RAPGEF5: variants seen among roughly 807,000 people sequenced by gnomAD.
RAPGEF5 encodes the protein Rap guanine nucleotide exchange factor 5.
Under a neutral mutation model 125.2 loss-of-function variants are expected in RAPGEF5, and 65 were observed. The ratio of observed to expected loss-of-function variants is 0.52; its 90% CI spans 0.43 to 0.64. The LOEUF (loss-of-function observed/expected upper bound fraction) is 0.64. Ranked by LOEUF, RAPGEF5 falls within the 30% of genes least tolerant of loss-of-function variation. RAPGEF5 has a pLI of 0.00. For synonymous variants in RAPGEF5, 391 were observed against 385.9 expected, an observed-to-expected ratio of 1.01 and a Z score of -0.16; for missense variants, 958 against 1,048.1, an observed-to-expected ratio of 0.91 and a Z score of 1.19.
intron 11 of RAPGEF5, among the ~76,000 whole-genome samples, chr7:22,171,767 T>C (rs1784357217): frequency 2.6e-5 from 4 of 152,352 alleles, no homozygotes; most frequent in Admixed American, 2.6e-4. Context: ...CCCAAAGTGC[T>C]GGGATTACAG....
chr7:22,216,973 A>G (rs891452707), intron 9 of RAPGEF5, among the ~76,000 whole-genome samples: 1 of 152,248 alleles, frequency 6.6e-6, no homozygotes, highest in Non-Finnish European at 1.5e-5. Context: ...TACCAGCAAC[A>G]AAGGCTTTAT....
chr7:22,167,005 T>C, intron 12 of RAPGEF5, 65 bp downstream of exon 12: 1 of 1,346,746 alleles, frequency 7.4e-7, no homozygotes, highest in Non-Finnish European at 1.1e-6. Flanking sequence ...AGGCAGTTAA[T>C]TCCTAACGTG....
intron 17 of RAPGEF5, among the ~76,000 whole-genome samples, chr7:22,151,065 A>G (rs746531647): frequency 6.6e-6 from 1 of 152,216 alleles, no homozygotes; most frequent in Non-Finnish European, 1.5e-5. Context: ...ATGATAGTTC[A>G]TTATACCATC....
At chr7:22,210,797 A>ATT (rs537513192) in intron 9 of RAPGEF5, among the ~76,000 whole-genome samples, 1 of 151,072 alleles carries the variant, frequency 6.6e-6, no homozygotes, top group African/African-American at 2.4e-5. Flanking sequence ...TTATTTCTCC[A>ATT]TTTTTTTTTA....
chr7:22,162,330 T>C, intron 13 of RAPGEF5, 67 bp downstream of exon 13: 1 of 1,463,124 alleles, frequency 6.8e-7, no homozygotes. Flanking sequence ...ATGAGATTTT[T>C]AAAATGCATA....
intron 16 of RAPGEF5, among the ~76,000 whole-genome samples, chr7:22,155,021 T>C (rs1319335110): frequency 7.2e-5 from 11 of 152,184 alleles, no homozygotes; most frequent in Non-Finnish European, 1.2e-4. Context: ...AAGTGTCTAA[T>C]TCATAAATTT....
rs757461902 is a variant in RAPGEF5, at chr7:22,154,624, T to C, written c.1637-20A>G. ...AGAAAACTGCACAAGTGAAAAGAAT[T>C]GTTTGGAAACAGAGAACAGTGGTCA... is the stretch of plus-strand genomic sequence containing the variant. On this transcript the variant is annotated intron_variant, in intron 16 of 25. Coordinates refer to ENST00000665637, the MANE Select transcript of RAPGEF5 (RefSeq NM_012294.5). 1 of 1,609,764 alleles carries C rather than the reference T, an allele frequency of 6.2e-7. No homozygotes were observed. The highest frequency in any genetic ancestry group is 1.1e-5 in the South Asian group (1 of 90,314).
chr7:22,315,264 C>T (rs1024540458), intron 3 of RAPGEF5, 106 bp downstream of exon 3: 2 of 1,324,334 alleles, frequency 1.5e-6, no homozygotes, highest in Non-Finnish European at 2.0e-6. Flanking sequence ...AACCCTCCTA[C>T]TACTGATATT....
intron 11 of RAPGEF5, among the ~76,000 whole-genome samples, chr7:22,171,362 C>T (rs1380164526): frequency 2.6e-5 from 4 of 152,198 alleles, no homozygotes. Flanking sequence ...ATAAAAGTAT[C>T]TTTCATTTAA....
At chr7:22,251,386 CTGGTAATTAGCATAA>C (rs1786615996) in intron 7 of RAPGEF5, among the ~76,000 whole-genome samples, 1 of 152,154 alleles carries the variant, frequency 6.6e-6, no homozygotes, top group Admixed American at 6.5e-5. Flanking sequence ...TTTAGGGCAC[CTGGTAATTAGCATAA>C]TGGCCTCTTG....
At chr7:22,299,380 T>A (rs1045179562) in intron 5 of RAPGEF5, among the ~76,000 whole-genome samples, 1 of 152,138 alleles carries the variant, frequency 6.6e-6, no homozygotes, top group Non-Finnish European at 1.5e-5. Flanking sequence ...TTTACAAATA[T>A]CATTTTACCT....
At chr7:22,356,770 T>C (rs1230735306) in intron 1 of RAPGEF5, 60 bp downstream of exon 1, 2 of 959,364 alleles carry the variant, frequency 2.1e-6, no homozygotes, top group Non-Finnish European at 2.6e-6. Context: ...GCCCGGGGGG[T>C]GGGCGCGGGC....
Position 22,301,546 on chromosome 7 carries a change from C to A in RAPGEF5, c.680+6793G>T, listed in dbSNP as rs975101776. Among the ~76,000 whole-genome samples the A allele has an allele frequency of 4.3e-5, 6 of 140,230 alleles. No homozygotes were observed. The East Asian group carries it at 1.3e-3, about 30-fold the overall frequency. The allele number at this position is 140,230 out of a possible 152,430, so 92.0% of individuals were successfully genotyped here. A position where few individuals can be genotyped will look rare whatever the true frequency, so the allele number is the denominator to read the frequency against. On this transcript the variant is annotated intron_variant, in intron 5 of 25. Coordinates refer to ENST00000665637, the MANE Select transcript of RAPGEF5 (RefSeq NM_012294.5). Reference sequence around the variant, plus strand: ...AGGAGAATGGCGTGAACCCGGGAGGCGGAGCTTGCAGTAAGCCGAGATCGT... The same window carrying A: ...AGGAGAATGGCGTGAACCCGGGAGGAGGAGCTTGCAGTAAGCCGAGATCGT...
intron 21 of RAPGEF5, among the ~76,000 whole-genome samples, chr7:22,139,377 T>C (rs1006194960): frequency 2.0e-5 from 3 of 152,076 alleles, no homozygotes; most frequent in Non-Finnish European, 4.4e-5. Flanking sequence ...GGAAGGACGG[T>C]GAGGGGACCA....
chr7:22,283,599 C>T (rs756401280), intron 6 of RAPGEF5, among the ~76,000 whole-genome samples: 3 of 152,142 alleles, frequency 2.0e-5, no homozygotes, highest in Non-Finnish European at 2.9e-5. Context: ...AAAGCTCCGT[C>T]GGCTTCTTTC....
intron 13 of RAPGEF5, 67 bp downstream of exon 13, chr7:22,162,330 T>G (rs1784028275): frequency 6.8e-7 from 1 of 1,463,124 alleles, no homozygotes; most frequent in Non-Finnish European, 9.4e-7. Flanking sequence ...ATGAGATTTT[T>G]AAAATGCATA....
chr7:22,342,977 A>C (rs974997224), intron 1 of RAPGEF5, among the ~76,000 whole-genome samples: 1 of 152,170 alleles, frequency 6.6e-6, no homozygotes, highest in Non-Finnish European at 1.5e-5. Context: ...GTATCTTTTC[A>C]GTAGTGCCCC....
At chr7:22,129,209 G>A (rs1013550250) in intron 24 of RAPGEF5, among the ~76,000 whole-genome samples, 7 of 152,026 alleles carry the variant, frequency 4.6e-5, no homozygotes, top group African/African-American at 1.7e-4. Flanking sequence ...AGGGGGAAAT[G>A]ACATAATGAA....
intron 18 of RAPGEF5, among the ~76,000 whole-genome samples, chr7:22,150,092 T>C (rs976025216): frequency 2.0e-5 from 3 of 148,182 alleles, no homozygotes; most frequent in African/African-American, 5.0e-5. Context: ...TTTTTTTTTT[T>C]TTTTTGAGAC....
Sources: gnomAD v4.1 joint callset for allele counts (sites outside exome capture counted in the v4.1 genomes callset) on GRCh38, gnomAD v4.1.1 for gene constraint, MANE v1.5 for transcripts, NCBI Gene and HGNC (gene_info 2026-07-23, HGNC 2026-07-21) for gene names.